The following INTS1 variants were observed in gnomAD, a reference collection of about 807,000 sequenced individuals.
INTS1 encodes the protein integrator complex subunit 1.
Under a neutral mutation model 241.6 loss-of-function variants are expected in INTS1, and 137 were observed. That is an observed-to-expected ratio of 0.57 (90% CI 0.49 to 0.65). The LOEUF (loss-of-function observed/expected upper bound fraction) is 0.65, where lower values mean the gene tolerates loss of function less well. Among genes scored for constraint, INTS1 ranks in the 30% least tolerant of loss-of-function variants. The pLI is 0.00. For synonymous variants in INTS1, 1,692 were observed against 1,337.8 expected, an observed-to-expected ratio of 1.26 and a Z score of -5.78; for missense variants, 3,073 against 3,032.2, an observed-to-expected ratio of 1.01 and a Z score of -0.32.
In INTS1 at chr7:1,476,390, G is replaced by A; in HGVS notation, c.5217C>T (p.Ile1739=). 1 of 1,577,794 alleles carries A rather than the reference G, an allele frequency of 6.3e-7. No homozygotes were observed. The part of the protein sequence containing the change: ...GPELISLVEL[I]LAEAETRSQD... ...GGCTCCGCGTCTCCGCCTCGGCCAG[G>A]ATCAGCTCCACCAGGCTGATGAGCT... The change falls in exon 38 of 48, where the codon ATC becomes ATT. Residue 1739 remains isoleucine (I), a synonymous_variant. Coordinates refer to ENST00000404767, the MANE Select transcript of INTS1 (RefSeq NM_001080453.3).
At chr7:1,484,593 CAT>C (rs147621087) in intron 24 of INTS1, among the ~76,000 whole-genome samples, 2,317 of 152,332 alleles carry the variant, frequency 0.015, 56 homozygotes, top group African/African-American at 0.05. Flanking sequence ...CAGCGCCACA[CAT>C]GTGAGCTAGA....
At chr7:1,471,693 G>T in intron 44 of INTS1, 52 bp from the exon 45 acceptor site, 3 of 1,575,642 alleles carry the variant, frequency 1.9e-6, no homozygotes, top group Non-Finnish European at 1.7e-6. Context: ...GCAGACCTCT[G>T]CCCACCCCAC....
At chr7:1,485,538 A>G (rs1336990561) in intron 22 of INTS1, 69 bp from the exon 23 acceptor site, 1 of 1,506,872 alleles carries the variant, frequency 6.6e-7, no homozygotes, top group Non-Finnish European at 9.0e-7. Context: ...TGGCCCCGGG[A>G]GCACACGCAT....
At chr7:1,504,244 C>T in intron 1 of INTS1, 79 bp downstream of exon 1, 2 of 588,972 alleles carry the variant, frequency 3.4e-6, no homozygotes, top group Non-Finnish European at 6.1e-6. Context: ...AAGGGACGGC[C>T]CAGAGGCCGG....
At chr7:1,496,096 G>A (rs929966409) in intron 12 of INTS1, 60 bp downstream of exon 12, 13 of 1,375,034 alleles carry the variant, frequency 9.5e-6, no homozygotes, top group Non-Finnish European at 1.3e-5. Context: ...AGAGCCGCCA[G>A]CCACCAGCCT....
In INTS1 at chr7:1,486,561, G is replaced by A. The variant is rs191796992; in HGVS notation, c.2976+64C>T. The A allele has an allele frequency of 2.9e-4, 452 of 1,533,760 alleles. 3 individuals carry two copies. In the African/African-American group the frequency reaches 5.4e-3, roughly 18 times the overall value. On this transcript the variant is annotated intron_variant, in intron 22 of 47. Coordinates refer to ENST00000404767, the MANE Select transcript of INTS1 (RefSeq NM_001080453.3). ...ATGACAGGCGTGAGCCACCGTGCCCGGTCCCCAGCCTACTCATTTTAAACA... is the reference window on the plus strand; with the variant it reads ...ATGACAGGCGTGAGCCACCGTGCCCAGTCCCCAGCCTACTCATTTTAAACA...
intron 18 of INTS1, 38 bp downstream of exon 18, chr7:1,489,306 C>T: frequency 6.3e-7 from 1 of 1,590,038 alleles, no homozygotes; most frequent in South Asian, 1.1e-5. Context: ...AGGCCCTGCT[C>T]CCCATCCCGG....
Position 1,476,934 on chromosome 7 carries a change from G to A in INTS1, c.4939-16C>T, listed in dbSNP as rs975102498. The A allele has an allele frequency of 8.7e-6, 14 of 1,605,166 alleles. No individual in the cohort carries two copies. Among genetic ancestry groups the A allele is most frequent in the African/African-American group, 4.0e-5 (3 of 74,836 alleles). On this transcript the variant is annotated splice_polypyrimidine_tract_variant and intron_variant, in intron 35 of 47. Coordinates refer to ENST00000404767, the MANE Select transcript of INTS1 (RefSeq NM_001080453.3). ...GACCTTTGCCCTGGGGAGGGAGGAAGAAGCCCGGATGGCCTCACCTGGGCC... is the reference window on the plus strand; with the variant it reads ...GACCTTTGCCCTGGGGAGGGAGGAAAAAGCCCGGATGGCCTCACCTGGGCC...
Position 1,478,882 on chromosome 7 carries a change from A to G in INTS1, c.4333T>C (p.Cys1445Arg), listed in dbSNP as rs574303939. 1.3e-6 allele frequency: 2 copies of G among 1,598,544 alleles called. No homozygotes were observed. Among genetic ancestry groups the G allele is most frequent in the African/African-American group, 1.3e-5 (1 of 74,772 alleles). ...GAGAAGCCGGTGTCCTGTGGCACACAGCGCTGCGGGGACAAAGTGGCACGT... is the reference window on the plus strand; with the variant it reads ...GAGAAGCCGGTGTCCTGTGGCACACGGCGCTGCGGGGACAAAGTGGCACGT... ...LLRQLCQYQRCVPQDTGFSSL... is the reference protein window; with the variant it reads ...LLRQLCQYQRRVPQDTGFSSL... The change falls in exon 32 of 48, where the codon TGT (cysteine) becomes CGT (arginine). Residue 1445 changes from cysteine to arginine, a missense_variant. Transcript: ENST00000404767.
At chr7:1,475,464 G>T (rs1212711408) in intron 39 of INTS1, among the ~76,000 whole-genome samples, 1 of 152,090 alleles carries the variant, frequency 6.6e-6, no homozygotes, top group Non-Finnish European at 1.5e-5. Context: ...AAGCAGAAAT[G>T]ATTAGAGAAA....
chr7:1,499,928 C>A lies in INTS1; in HGVS notation c.640G>T (p.Ala214Ser). ...VSVLACNLLM[A>S]AYEEDENWPE... ...CAGTTCTCGTCCTCCTCGTAGGCGG[C>A]CATGAGGAGGTTACAGGCCAGCACA... The change falls in exon 5 of 48, where the codon GCC (alanine) becomes TCC (serine). Residue 214 changes from alanine to serine, a missense_variant. Ala to Ser is a moderately conservative substitution (Grantham distance 99). Coordinates refer to ENST00000404767, the MANE Select transcript of INTS1 (RefSeq NM_001080453.3). 6.2e-7 allele frequency: 1 copy of A among 1,613,692 alleles called. No individual in the cohort carries two copies. The highest frequency in any genetic ancestry group is 1.1e-5 in the South Asian group (1 of 91,074).
At position 1,473,126 on chromosome 7, in the gene INTS1, T is replaced by C. The variant is rs1230264912; in HGVS notation, c.6016A>G (p.Ser2006Gly). Reference protein sequence around the residue: ...VMLKSLLAGLSLPSRDDRTDR... With the variant: ...VMLKSLLAGLGLPSRDDRTDR... ...GTCCTGTCGTCCCTGCTGGGCAGGC[T>C]GAGCCCTGCAAGGAGGGATTTCAGC... Residue 2006 changes from serine to glycine, a missense_variant, in exon 43 of 48, where the codon AGC becomes GGC. Coordinates refer to ENST00000404767, the MANE Select transcript of INTS1 (RefSeq NM_001080453.3). 5 of 1,612,040 alleles carry C rather than the reference T, an allele frequency of 3.1e-6. No individual in the cohort carries two copies. The African/African-American group carries it at 4.0e-5, about 13-fold the overall frequency.
Position 1,476,832 on chromosome 7 carries a change from C to G in INTS1, c.5025G>C (p.Gln1675His), listed in dbSNP as rs906460232. The part of the protein sequence containing the change: ...THQSSWPTLH[Q>H]CIRVLLGKSR... Reference sequence around the variant, plus strand: ...TCTTGCCCAGCAGGACTCGGATGCACTGGTGCAGTGTGGGCCAGCTGGACT... The same window carrying G: ...TCTTGCCCAGCAGGACTCGGATGCAGTGGTGCAGTGTGGGCCAGCTGGACT... The change falls in exon 36 of 48, where the codon CAG becomes CAC. Residue 1675 changes from glutamine to histidine, a missense_variant. Transcript: ENST00000404767. The G allele has an allele frequency of 1.2e-6, 2 of 1,612,924 alleles. No homozygotes were observed. The highest frequency in any genetic ancestry group is 1.7e-5 in the Admixed American group (1 of 59,992).
At position 1,504,197 on chromosome 7, in the gene INTS1, G is replaced by C. The variant is rs564310471; in HGVS notation, c.-42+126C>G. ...GGAGCGGCTCAGTCGGGCGGCAGCA[G>C]GCGACGCGGACGCCGGGCTGGAGGC... On this transcript the variant is annotated intron_variant, in intron 1 of 47. Coordinates refer to ENST00000404767, the MANE Select transcript of INTS1 (RefSeq NM_001080453.3). The C allele has an allele frequency of 1.1e-4, 61 of 534,692 alleles. No homozygotes were observed. In the East Asian group the frequency reaches 2.2e-3, roughly 19 times the overall value. 33.1% of individuals were successfully genotyped at this position (534,692 alleles called of 1,614,324 possible). A position where few individuals can be genotyped will look rare whatever the true frequency, so the allele number is the denominator to read the frequency against.
intron 11 of INTS1, among the ~76,000 whole-genome samples, chr7:1,496,912 T>A (rs1019890004): frequency 6.6e-6 from 1 of 152,058 alleles, no homozygotes; most frequent in Admixed American, 6.5e-5. Flanking sequence ...AGCCTAGGGG[T>A]TGCCAGTTCC....
At chr7:1,498,358 G>A (rs1342582899) in intron 10 of INTS1, 54 bp downstream of exon 10, 1 of 1,602,798 alleles carries the variant, frequency 6.2e-7, no homozygotes, top group Non-Finnish European at 8.5e-7. Flanking sequence ...TGCCCCTCCA[G>A]CCCAGAGCCC....
Position 1,484,087 on chromosome 7 carries a change from G to T in INTS1, c.3345C>A (p.Ala1115=). 2 of 1,612,490 alleles carry T rather than the reference G, an allele frequency of 1.2e-6. No homozygotes were observed. The highest frequency in any genetic ancestry group is 4.5e-5 in the East Asian group (2 of 44,868). ...SKLSPSAASD[A]VLSALLSIFS... is the part of the protein sequence containing the mutation. ...AGATGGACAACAGAGCGCTCAGCACGGCGTCCGACGCGGCACTCGGGGAGA... is the reference window on the plus strand; with the variant it reads ...AGATGGACAACAGAGCGCTCAGCACTGCGTCCGACGCGGCACTCGGGGAGA... The change falls in exon 25 of 48, where the codon GCC becomes GCA. Residue 1115 remains alanine, a synonymous_variant. Coordinates refer to ENST00000404767, the MANE Select transcript of INTS1 (RefSeq NM_001080453.3).
rs1049629245 is a variant in INTS1 at position 1,497,751 on chromosome 7, G to A, written c.1426-437C>T. Among the ~76,000 whole-genome samples, 6 of 152,252 alleles carry A rather than the reference G, an allele frequency of 3.9e-5. No individual in the cohort carries two copies. The highest frequency in any genetic ancestry group is 1.9e-4 in the East Asian group (1 of 5,194). On this transcript the variant is annotated intron_variant, in intron 10 of 47. Transcript: ENST00000404767. The surrounding 1 kb of genome is among the most constrained non-coding windows in gnomAD (Gnocchi z 5.3). ...GAAGACTGAACGCGGAGCTGAGAGCGGCTGTGCCTCCCTCGTGTTTCACAC... is the reference window on the plus strand; with the variant it reads ...GAAGACTGAACGCGGAGCTGAGAGCAGCTGTGCCTCCCTCGTGTTTCACAC...
Position 1,489,379 on chromosome 7 carries a change from C to T in INTS1, c.2283G>A (p.Pro761=), listed in dbSNP as rs758084477. 1.8e-5 allele frequency: 19 copies of T among 1,081,762 alleles called. No individual in the cohort carries two copies. The highest frequency in any genetic ancestry group is 1.3e-4 in the East Asian group (2 of 15,868). The allele number at this position is 1,081,762 out of a possible 1,614,324, so 67.0% of individuals were successfully genotyped here. A position where few individuals can be genotyped will look rare whatever the true frequency, so the allele number is the denominator to read the frequency against. The change falls in exon 18 of 48, where the codon CCG becomes CCA. Residue 761 remains proline, a synonymous_variant. Coordinates refer to ENST00000404767, the MANE Select transcript of INTS1 (RefSeq NM_001080453.3). Reference sequence around the variant, plus strand: ...CCATCTCCATGAGCATCTTCAGGGTCGGGTACTCCTCCCACGCAGCCAGGC... The same window carrying T: ...CCATCTCCATGAGCATCTTCAGGGTTGGGTACTCCTCCCACGCAGCCAGGC... ...NIGLAAWEEY[P]TLKMLMEMVM...
Sources: allele counts gnomAD v4.1 joint callset (sites outside exome capture counted in the v4.1 genomes callset), GRCh38; gene constraint gnomAD v4.1.1; non-coding constraint Gnocchi (gnomAD v3.1); transcripts MANE v1.5; gene names NCBI Gene and HGNC (gene_info 2026-07-23, HGNC 2026-07-21).